The following CSRNP3 variants were observed in gnomAD, a reference collection of about 807,000 sequenced individuals.
CSRNP3 encodes the protein cysteine/serine-rich nuclear protein 3.
Under a neutral mutation model 48.0 loss-of-function variants are expected in CSRNP3, and 12 were observed. The observed-to-expected ratio is 0.25, with a 90% CI of 0.16 to 0.41. The LOEUF (loss-of-function observed/expected upper bound fraction) is 0.41. Among genes scored for constraint, CSRNP3 ranks in the 10% least tolerant of loss-of-function variants. The pLI is 1.00. For missense variants in CSRNP3, 580 were observed against 724.4 expected (o/e 0.80, Z 2.29); for synonymous variants, 263 against 269.7 (o/e 0.98, Z 0.24).
chr2:165,493,472 A>T (rs1684246283), intron 1 of CSRNP3, among the ~76,000 whole-genome samples: 1 of 152,140 alleles, frequency 6.6e-6, no homozygotes. Flanking sequence ...ATCCAAACCA[A>T]TCTTGGGCTA....
intron 2 of CSRNP3, among the ~76,000 whole-genome samples, chr2:165,497,064 C>T (rs1291456965): frequency 6.6e-6 from 1 of 151,994 alleles, no homozygotes; most frequent in Non-Finnish European, 1.5e-5. Context: ...TTCTGAGCAC[C>T]TGAACAGTTT....
rs535885656 is a variant in CSRNP3 at position 165,684,569 on chromosome 2, T to A, written c.*4816T>A. ...CCAAAGTTTAAAGGCTTGATTACTC[T>A]ATATTAGGTCTAATATGAATTTTCA... is the stretch of plus-strand genomic sequence containing the variant. On this transcript the variant is annotated 3_prime_UTR_variant, in exon 7 of 7. Transcript: ENST00000651982. The A allele has an allele frequency of 2.0e-5, 3 of 152,018 alleles. No individual in the cohort carries two copies. The highest frequency in any genetic ancestry group is 4.4e-5 in the Non-Finnish European group (3 of 67,974). The allele number at this position is 152,018 out of a possible 1,614,324, so 9.4% of individuals were successfully genotyped here.
At chr2:165,500,337 A>G (rs1684339117) in intron 2 of CSRNP3, among the ~76,000 whole-genome samples, 1 of 150,482 alleles carries the variant, frequency 6.6e-6, no homozygotes, top group Non-Finnish European at 1.5e-5. Flanking sequence ...GAATATATAC[A>G]TATGTATATA....
At chr2:165,635,980 A>C (rs1012098990) in intron 4 of CSRNP3, among the ~76,000 whole-genome samples, 1 of 152,112 alleles carries the variant, frequency 6.6e-6, no homozygotes, top group Non-Finnish European at 1.5e-5. Flanking sequence ...TCACCTCCCC[A>C]CCAGCTTCTG....
At chr2:165,483,539 C>T (rs1015196713) in intron 1 of CSRNP3, among the ~76,000 whole-genome samples, 2 of 152,174 alleles carry the variant, frequency 1.3e-5, no homozygotes, top group African/African-American at 2.4e-5. Context: ...AATTACTAAA[C>T]TGTCATTTTG....
chr2:165,604,998 G>A (rs920812221), intron 4 of CSRNP3, among the ~76,000 whole-genome samples: 4 of 152,058 alleles, frequency 2.6e-5, no homozygotes, highest in African/African-American at 9.7e-5. Context: ...TCTGAAATCT[G>A]TCTACTTATC....
chr2:165,530,605 T>C (rs1684797610), intron 3 of CSRNP3, among the ~76,000 whole-genome samples: 1 of 152,154 alleles, frequency 6.6e-6, no homozygotes, highest in South Asian at 2.1e-4. Context: ...AATTAGTTTT[T>C]TAAAAAGTCT....
At chr2:165,656,605 C>A (rs1266056969) in intron 4 of CSRNP3, among the ~76,000 whole-genome samples, 2 of 151,980 alleles carry the variant, frequency 1.3e-5, no homozygotes, top group Non-Finnish European at 2.9e-5. Flanking sequence ...TCATTTGTCC[C>A]AATGTATACT....
In CSRNP3 at chr2:165,530,617, C is replaced by A. The variant is rs1311093764; in HGVS notation, c.-24+12656C>A. Reference sequence around the variant, plus strand: ...CCTAATTAGTTTTTTAAAAAGTCTTCATGAACATGATGAATTTAGGAGCCT... The same window carrying A: ...CCTAATTAGTTTTTTAAAAAGTCTTAATGAACATGATGAATTTAGGAGCCT... On this transcript the variant is annotated intron_variant, in intron 3 of 6. Transcript: ENST00000651982. 2.0e-5 allele frequency among the ~76,000 whole-genome samples: 3 copies of A among 152,018 alleles called. No homozygotes were observed. The East Asian group carries it at 5.8e-4, about 29-fold the overall frequency.
chr2:165,509,715 T>G (rs1684476861), intron 2 of CSRNP3, among the ~76,000 whole-genome samples: 1 of 152,190 alleles, frequency 6.6e-6, no homozygotes, highest in Non-Finnish European at 1.5e-5. Flanking sequence ...TACATAACAA[T>G]AGCACACTTG....
chr2:165,641,629 A>T (rs922624297), intron 4 of CSRNP3, among the ~76,000 whole-genome samples: 1 of 152,164 alleles, frequency 6.6e-6, no homozygotes, highest in Non-Finnish European at 1.5e-5. Context: ...TCTGGTAGGG[A>T]TCAGAGATGA....
chr2:165,556,660 T>C (rs1558933511), intron 3 of CSRNP3, among the ~76,000 whole-genome samples: 3 of 151,782 alleles, frequency 2.0e-5, no homozygotes, highest in Non-Finnish European at 4.4e-5. Context: ...CTGAGAAAAA[T>C]AAGAAAAAGA....
rs34285680 is a variant in CSRNP3 at position 165,684,617 on chromosome 2, CT to C, written c.*4865del. 61,144 of 151,826 alleles carry C rather than the reference CT, an allele frequency of 0.4. 13,446 individuals are homozygous for C. Among genetic ancestry groups the C allele is most frequent in the Non-Finnish European group, 0.5 (33,688 of 67,880 alleles). The allele number at this position is 151,826 out of a possible 1,614,324, so 9.4% of individuals were successfully genotyped here. A position where few individuals can be genotyped will look rare whatever the true frequency, so the allele number is the denominator to read the frequency against. On this transcript the variant is annotated 3_prime_UTR_variant, in exon 7 of 7. Coordinates refer to ENST00000651982, the MANE Select transcript of CSRNP3 (RefSeq NM_001172173.2). ...TCACCTTCTGATTGCATTACTTTTTCTGAAATCTGCTAACTAGTGCTGGAAT... is the reference window on the plus strand; with the variant it reads ...TCACCTTCTGATTGCATTACTTTTTCGAAATCTGCTAACTAGTGCTGGAAT...
chr2:165,638,616 C>G (rs946732405), intron 4 of CSRNP3, among the ~76,000 whole-genome samples: 2 of 152,062 alleles, frequency 1.3e-5, no homozygotes, highest in Non-Finnish European at 2.9e-5. Flanking sequence ...AGAAAAGTAC[C>G]TATCTCTTTG....
chr2:165,681,239 G>T lies in CSRNP3; in HGVS notation c.*1486G>T, dbSNP rs1020547768. ...TTTTTTTCCAATGCAATATGACTATGCTAAACCTGTTTCATATTTTTGACC... is the reference window on the plus strand; with the variant it reads ...TTTTTTTCCAATGCAATATGACTATTCTAAACCTGTTTCATATTTTTGACC... On this transcript the variant is annotated 3_prime_UTR_variant, in exon 7 of 7. Coordinates refer to ENST00000651982, the MANE Select transcript of CSRNP3 (RefSeq NM_001172173.2). 6.6e-6 allele frequency: 1 copy of T among 151,802 alleles called. No individual in the cohort carries two copies. The highest frequency in any genetic ancestry group is 2.4e-5 in the African/African-American group (1 of 41,306). The allele number at this position is 151,802 out of a possible 1,614,324, so 9.4% of individuals were successfully genotyped here.
At chr2:165,601,785 G>T (rs1685920070) in intron 4 of CSRNP3, among the ~76,000 whole-genome samples, 1 of 151,914 alleles carries the variant, frequency 6.6e-6, no homozygotes, top group Non-Finnish European at 1.5e-5. Context: ...CCTACTACTG[G>T]CTCCACATTT....
At chr2:165,544,064 A>G (rs1224798047) in intron 3 of CSRNP3, among the ~76,000 whole-genome samples, 1 of 152,010 alleles carries the variant, frequency 6.6e-6, no homozygotes, top group Non-Finnish European at 1.5e-5. Flanking sequence ...AATATACAGA[A>G]TATCATATAG....
chr2:165,479,507 G>C (rs1197531339), intron 1 of CSRNP3, among the ~76,000 whole-genome samples: 3 of 152,032 alleles, frequency 2.0e-5, no homozygotes, highest in Non-Finnish European at 4.4e-5. Context: ...TATGGCTATG[G>C]AGATTAAATG....
At chr2:165,471,690 A>T (rs1683896232) in intron 1 of CSRNP3, among the ~76,000 whole-genome samples, 1 of 152,050 alleles carries the variant, frequency 6.6e-6, no homozygotes, top group Admixed American at 6.6e-5. Flanking sequence ...AATGGTTCAC[A>T]TATTTTGGAT....
Sources: allele counts gnomAD v4.1 joint callset (sites outside exome capture counted in the v4.1 genomes callset), GRCh38; gene constraint gnomAD v4.1.1; transcripts MANE v1.5; gene names NCBI Gene and HGNC (gene_info 2026-07-23, HGNC 2026-07-21).